The following ANXA9 variants were observed in gnomAD, a reference collection of about 807,000 sequenced individuals.
ANXA9 encodes the protein annexin A9, also known as annexin 31.
ANXA9 carries 47 observed loss-of-function variants against 51.8 expected under a neutral mutation model. The observed-to-expected ratio is 0.91, with a 90% confidence interval of 0.72 to 1.16. The LOEUF is 1.16. ANXA9 is among the 50% of genes most tolerant of loss of function. The pLI is 0.00. For synonymous variants in ANXA9, 154 were observed against 168.7 expected (o/e 0.91, Z 0.68); for missense variants, 361 against 424.7 (o/e 0.85, Z 1.32).
At chr1:150,986,278 G>T in intron 7 of ANXA9, 58 bp from the exon 8 acceptor site, 2 of 1,521,998 alleles carry the variant, frequency 1.3e-6, no homozygotes, top group Admixed American at 3.4e-5. Flanking sequence ...GCAGGTCCTG[G>T]GGATATCTAC....
rs926160045 is a variant in ANXA9 at position 150,984,518 on chromosome 1, C to G, written c.382-68C>G. On this transcript the variant is annotated intron_variant, in intron 6 of 13. Coordinates refer to ENST00000368947, the MANE Select transcript of ANXA9 (RefSeq NM_003568.3). ...GTTTCTTAGAAGGAGAAGCAGCCAGCGTCTGCCCCTCTGTCTGCCATCCTA... is the reference window on the plus strand; with the variant it reads ...GTTTCTTAGAAGGAGAAGCAGCCAGGGTCTGCCCCTCTGTCTGCCATCCTA... The G allele has an allele frequency of 3.3e-6, 5 of 1,513,076 alleles. No individual in the cohort carries two copies. The African/African-American group carries it at 5.5e-5, about 17-fold the overall frequency. The allele number at this position is 1,513,076 out of a possible 1,614,324, so 93.7% of individuals were successfully genotyped here. A position where few individuals can be genotyped will look rare whatever the true frequency, so the allele number is the denominator to read the frequency against.
At chr1:150,983,575 G>A in intron 4 of ANXA9, 141 bp downstream of exon 4, 1 of 827,000 alleles carries the variant, frequency 1.2e-6, no homozygotes, top group Non-Finnish European at 1.9e-6. Context: ...CGCCACAGTA[G>A]GTGTGTCAAA....
chr1:150,985,204 A>G (rs1263519405), intron 7 of ANXA9, among the ~76,000 whole-genome samples: 1 of 151,696 alleles, frequency 6.6e-6, no homozygotes, highest in African/African-American at 2.4e-5. Context: ...ACACACACAC[A>G]CACACACACA....
chr1:150,983,968 G>A lies in ANXA9; in HGVS notation c.173-7G>A, dbSNP rs747250822. 10 of 1,611,140 alleles carry A rather than the reference G, an allele frequency of 6.2e-6. No homozygotes were observed. The highest frequency in any genetic ancestry group is 4.0e-5 in the African/African-American group (3 of 74,818). ...CTGCTCACAGCACAGCCCTCATCTC[G>A]GTTCAGGCGTGGACCGCAGTGCCAT... is the stretch of plus-strand genomic sequence containing the variant. On this transcript the variant is annotated splice_polypyrimidine_tract_variant and splice_region_variant and intron_variant, in intron 4 of 13. Transcript: ENST00000368947.
intron 9 of ANXA9, among the ~76,000 whole-genome samples, chr1:150,987,014 T>C (rs1190559808): frequency 6.6e-6 from 1 of 152,076 alleles, no homozygotes; most frequent in Admixed American, 6.6e-5. Context: ...GGCAGAGCCC[T>C]CTCTTAGCCC....
chr1:150,978,021 A>C (rs924317340), upstream of ANXA9, among the ~76,000 whole-genome samples: 1 of 152,082 alleles, frequency 6.6e-6, no homozygotes, highest in Admixed American at 6.5e-5. Context: ...CTGTAGTTCC[A>C]GCTACTTTGG....
intron 9 of ANXA9, 47 bp downstream of exon 9, chr1:150,986,708 T>A: frequency 6.6e-7 from 1 of 1,523,894 alleles, no homozygotes; most frequent in Middle Eastern, 1.7e-4. Context: ...GCACATAAGA[T>A]GCCTTCCTCC....
At chr1:150,995,227 G>A (rs779926023) in intron 13 of ANXA9, 33 bp from the exon 14 acceptor site, 1 of 1,597,328 alleles carries the variant, frequency 6.3e-7, no homozygotes, top group African/African-American at 1.3e-5. Context: ...AGTGGTGGTG[G>A]ATCTTTCTAA....
chr1:150,991,949 T>G (rs1463533966), intron 12 of ANXA9, among the ~76,000 whole-genome samples: 1 of 151,990 alleles, frequency 6.6e-6, no homozygotes, highest in Non-Finnish European at 1.5e-5. Context: ...GTATTTTTAG[T>G]AGAGACAGGG....
At chr1:150,986,181 T>G (rs1467854693) in intron 7 of ANXA9, among the ~76,000 whole-genome samples, 155 bp from the exon 8 acceptor site, 2 of 152,172 alleles carry the variant, frequency 1.3e-5, no homozygotes, top group Non-Finnish European at 2.9e-5. Context: ...ATGGTACTTG[T>G]GCCTTACATC....
At position 150,991,902 on chromosome 1, in the gene ANXA9, G is replaced by A. The variant is rs587759456; in HGVS notation, c.853-2675G>A. ...CTGCCTCAGCCTCCTGAGTAGCTGA[G>A]ATTACAGGCGCCCGCCACCACGCCC... On this transcript the variant is annotated intron_variant, in intron 12 of 13. Coordinates refer to ENST00000368947, the MANE Select transcript of ANXA9 (RefSeq NM_003568.3). Among the ~76,000 whole-genome samples the A allele has an allele frequency of 5.3e-5, 8 of 150,828 alleles. No individual in the cohort carries two copies. The South Asian group carries it at 1.7e-3, about 32-fold the overall frequency.
intron 13 of ANXA9, 100 bp from the exon 14 acceptor site, chr1:150,995,160 C>G (rs1479129196): frequency 8.1e-7 from 1 of 1,240,446 alleles, no homozygotes; most frequent in Non-Finnish European, 1.1e-6. Flanking sequence ...GGACCCTTCC[C>G]TCCCAGATGA....
Position 150,986,608 on chromosome 1 carries a change from C to T in ANXA9, c.559C>T (p.Arg187Cys), listed in dbSNP as rs914473154. Reference protein sequence around the residue: ...DLLLALAKGGRDSYSGIIDYN... With the variant: ...DLLLALAKGGCDSYSGIIDYN... ...GAACAGTTTCTCCTCCTAGGGGGGC[C>T]GTGACAGCTACTCTGGAATCATTGA... is the stretch of plus-strand genomic sequence containing the variant. Residue 187 changes from arginine (R) to cysteine (C), a missense_variant, in exon 9 of 14, where the codon CGT becomes TGT. Transcript: ENST00000368947. The T allele has an allele frequency of 5.0e-6, 8 of 1,607,832 alleles. No homozygotes were observed. The highest frequency in any genetic ancestry group is 4.5e-5 in the East Asian group (2 of 44,856).
chr1:150,985,413 G>A (rs1346595912), intron 7 of ANXA9, among the ~76,000 whole-genome samples: 1 of 152,036 alleles, frequency 6.6e-6, no homozygotes, highest in East Asian at 1.9e-4. Flanking sequence ...TGAGTCATGG[G>A]TGTCACCTTT....
At chr1:150,981,113 C>A (rs1671410529), upstream of ANXA9, among the ~76,000 whole-genome samples, 1 of 152,122 alleles carries the variant, frequency 6.6e-6, no homozygotes, top group Non-Finnish European at 1.5e-5. Flanking sequence ...ACATAGGTGG[C>A]AGAGCTGGAT....
intron 12 of ANXA9, 24 bp from the exon 13 acceptor site, chr1:150,994,553 C>A: frequency 2.5e-6 from 4 of 1,613,174 alleles, no homozygotes; most frequent in South Asian, 2.2e-5. Context: ...CTAACTACCC[C>A]CCATCTCTTT....
chr1:150,983,254 A>G lies in ANXA9; in HGVS notation c.75+74A>G, dbSNP rs1671457433. On this transcript the variant is annotated intron_variant, in intron 3 of 13. Coordinates refer to ENST00000368947, the MANE Select transcript of ANXA9 (RefSeq NM_003568.3). ...GCTGTGAGAGGATGGGAGGCAGGAAAGTGGAGGACAGGCCCTGAGGTTATG... is the reference window on the plus strand; with the variant it reads ...GCTGTGAGAGGATGGGAGGCAGGAAGGTGGAGGACAGGCCCTGAGGTTATG... The G allele has an allele frequency of 2.5e-6, 4 of 1,599,376 alleles. No homozygotes were observed. The East Asian group carries it at 8.9e-5, about 36-fold the overall frequency.
Position 150,987,853 on chromosome 1 carries a change from A to T in ANXA9, c.613-19A>T, listed in dbSNP as rs757179943. On this transcript the variant is annotated intron_variant, in intron 9 of 13. Coordinates refer to ENST00000368947, the MANE Select transcript of ANXA9 (RefSeq NM_003568.3). ...AATGATCCTGATTGACTCCTCCCTG[A>T]CTCATTCCTCCCTCCTAGGCACTGC... The T allele has an allele frequency of 6.2e-7, 1 of 1,609,954 alleles. No individual in the cohort carries two copies. The highest frequency in any genetic ancestry group is 8.5e-7 in the Non-Finnish European group (1 of 1,177,170).
At chr1:150,979,879 T>C (rs1671387170), upstream of ANXA9, among the ~76,000 whole-genome samples, 1 of 152,218 alleles carries the variant, frequency 6.6e-6, no homozygotes, top group Non-Finnish European at 1.5e-5. Flanking sequence ...TGTAGTTATT[T>C]AATTCTCACA....
Sources: gnomAD v4.1 joint callset for allele counts (sites outside exome capture counted in the v4.1 genomes callset) on GRCh38, gnomAD v4.1.1 for gene constraint, MANE v1.5 for transcripts, NCBI Gene and HGNC (gene_info 2026-07-23, HGNC 2026-07-21) for gene names.